Variants in FRAS1 observed in about 807,000 individuals in gnomAD.
FRAS1 encodes extracellular matrix organizing protein FRAS1.
A neutral mutation model predicts 435.2 loss-of-function variants in FRAS1; 290 were observed. The observed-to-expected ratio is 0.67, with a 90% confidence interval of 0.61 to 0.73. FRAS1 has a LOEUF of 0.73. Among genes scored for constraint, FRAS1 ranks in the 30% least tolerant of loss-of-function variants. FRAS1 has a pLI of 0.00. For missense variants in FRAS1, 4,860 were observed against 5,001.5 expected (o/e 0.97, Z 0.85); for synonymous variants, 1,800 against 1,851.0 (o/e 0.97, Z 0.71).
At chr4:78,224,393 A>G (rs193199572) in intron 2 of FRAS1, among the ~76,000 whole-genome samples, 4 of 152,362 alleles carry the variant, frequency 2.6e-5, no homozygotes, top group East Asian at 1.9e-4. Context: ...TGAGGATTCA[A>G]TGTCACATAT....
intron 14 of FRAS1, among the ~76,000 whole-genome samples, chr4:78,306,717 C>T (rs1473162597): frequency 6.6e-6 from 1 of 151,272 alleles, no homozygotes; most frequent in Non-Finnish European, 1.5e-5. Context: ...GCTCCATCAG[C>T]TCCTTTAAGC....
chr4:78,303,452 A>G (rs578038968), intron 14 of FRAS1, among the ~76,000 whole-genome samples: 128 of 152,328 alleles, frequency 8.4e-4, no homozygotes, highest in African/African-American at 3.0e-3. Context: ...GTTGGGCAGT[A>G]TGGCTATTTT....
At chr4:78,311,417 C>T (rs1428995207) in intron 15 of FRAS1, among the ~76,000 whole-genome samples, 1 of 152,160 alleles carries the variant, frequency 6.6e-6, no homozygotes, top group Non-Finnish European at 1.5e-5. Flanking sequence ...CCCTTCACTT[C>T]TCACTGCTAT....
intron 15 of FRAS1, among the ~76,000 whole-genome samples, chr4:78,309,118 G>A (rs72657049): frequency 5.3e-5 from 8 of 152,316 alleles, no homozygotes; most frequent in Non-Finnish European, 8.8e-5. Context: ...GAGTGATAGA[G>A]TGAAGCAAGG....
At position 78,057,922 on chromosome 4, in the gene FRAS1, G is replaced by T. The variant is rs1739546275; in HGVS notation, c.-88G>T. The T allele has an allele frequency of 7.8e-7, 1 of 1,283,440 alleles. No individual in the cohort carries two copies. Among genetic ancestry groups the T allele is most frequent in the Non-Finnish European group, 1.1e-6 (1 of 890,792 alleles). 79.5% of individuals were successfully genotyped at this position (1,283,440 alleles called of 1,614,324 possible). A position where few individuals can be genotyped will look rare whatever the true frequency, so the allele number is the denominator to read the frequency against. On this transcript the variant is annotated 5_prime_UTR_variant, in exon 1 of 74. Coordinates refer to ENST00000512123, the MANE Select transcript of FRAS1 (RefSeq NM_025074.7). The surrounding 1 kb of genome is among the most constrained non-coding windows in gnomAD (Gnocchi z 4.2). ...CGGTCCCCCACCTTCAGTGCGCCCG[G>T]GTTCCAAGCGCCGGAGCCAGCGTTT... is the stretch of plus-strand genomic sequence containing the variant.
chr4:78,527,774 C>G (rs1009609083), intron 70 of FRAS1, among the ~76,000 whole-genome samples: 1 of 152,112 alleles, frequency 6.6e-6, no homozygotes, highest in Non-Finnish European at 1.5e-5. Flanking sequence ...GGGGCAATAA[C>G]TGGAAACAGA....
chr4:78,462,919 A>G (rs1160850103), intron 47 of FRAS1, among the ~76,000 whole-genome samples: 1 of 152,204 alleles, frequency 6.6e-6, no homozygotes, highest in Non-Finnish European at 1.5e-5. Flanking sequence ...TAAAGCAGTG[A>G]TACTGATGTC....
At chr4:78,380,123 C>G (rs1463275220) in intron 27 of FRAS1, 127 bp downstream of exon 27, 1 of 1,016,542 alleles carries the variant, frequency 9.8e-7, no homozygotes, top group Non-Finnish European at 1.4e-6. Context: ...CAATACTCCA[C>G]AAGCCCAAAT....
chr4:78,522,937 C>A, intron 69 of FRAS1, 129 bp downstream of exon 69: 1 of 908,444 alleles, frequency 1.1e-6, no homozygotes, highest in Non-Finnish European at 1.6e-6. Flanking sequence ...ATAGAAATAA[C>A]CCTCAGCTGG....
chr4:78,197,871 G>GC (rs1560576201), intron 2 of FRAS1, among the ~76,000 whole-genome samples: 3 of 152,074 alleles, frequency 2.0e-5, no homozygotes, highest in Non-Finnish European at 4.4e-5. Context: ...AACCCAGGAG[G>GC]TGGAGCTTGC....
chr4:78,181,915 A>C (rs1578171107), intron 2 of FRAS1: 1 of 1,609,658 alleles, frequency 6.2e-7, no homozygotes, highest in Non-Finnish European at 8.5e-7. Flanking sequence ...CCCCAACGCC[A>C]CCCCTGCCGG....
At chr4:78,477,382 G>A (rs947407548) in intron 54 of FRAS1, among the ~76,000 whole-genome samples, 1 of 152,168 alleles carries the variant, frequency 6.6e-6, no homozygotes, top group Non-Finnish European at 1.5e-5. Context: ...TCTGATGTTT[G>A]TAAAGCTTCA....
At chr4:78,112,662 A>G (rs1742810849) in intron 2 of FRAS1, among the ~76,000 whole-genome samples, 1 of 152,098 alleles carries the variant, frequency 6.6e-6, no homozygotes, top group African/African-American at 2.4e-5. Flanking sequence ...TAGTTAGTGC[A>G]GTTATGAAAT....
In FRAS1 at chr4:78,499,835, C is replaced by G. The variant is rs1720623980; in HGVS notation, c.9230C>G (p.Ser3077Cys). The G allele has an allele frequency of 6.8e-6, 11 of 1,613,446 alleles. No homozygotes were observed. The highest frequency in any genetic ancestry group is 9.3e-6 in the Non-Finnish European group (11 of 1,179,548). Reference protein sequence around the residue: ...VIRRGDQNRTSKVRCSTRDGS... With the variant: ...VIRRGDQNRTCKVRCSTRDGS... Reference sequence around the variant, plus strand: ...CGCAGAGGGGATCAGAACAGGACCTCCAAGGTTCGCTGCAGCACGCGGGAT... The same window carrying G: ...CGCAGAGGGGATCAGAACAGGACCTGCAAGGTTCGCTGCAGCACGCGGGAT... Residue 3077 changes from serine to cysteine, a missense_variant, in exon 61 of 74, where the codon TCC becomes TGC. Ser to Cys is a moderately radical substitution (Grantham distance 112, BLOSUM62 -1). Coordinates refer to ENST00000512123, the MANE Select transcript of FRAS1 (RefSeq NM_025074.7).
intron 69 of FRAS1, 102 bp from the exon 70 acceptor site, chr4:78,526,439 A>G: frequency 1.4e-6 from 1 of 695,702 alleles, no homozygotes; most frequent in Non-Finnish European, 2.5e-6. Context: ...GCTGGACACA[A>G]ATACCACCTG....
intron 2 of FRAS1, among the ~76,000 whole-genome samples, chr4:78,208,075 T>C (rs1482826064): frequency 6.6e-6 from 1 of 152,182 alleles, no homozygotes; most frequent in Non-Finnish European, 1.5e-5. Flanking sequence ...AATACTGTGC[T>C]GGTATCCACA....
intron 66 of FRAS1, among the ~76,000 whole-genome samples, chr4:78,516,226 C>G (rs1318232210): frequency 6.6e-6 from 1 of 152,216 alleles, no homozygotes; most frequent in Non-Finnish European, 1.5e-5. Context: ...GTGGAAAAAA[C>G]TTACTGTCTG....
At chr4:78,523,680 GATATTTT>G (rs1315072721) in intron 69 of FRAS1, among the ~76,000 whole-genome samples, 5 of 152,224 alleles carry the variant, frequency 3.3e-5, no homozygotes, top group Middle Eastern at 3.4e-3. Context: ...TCTTATATCA[GATATTTT>G]TATTGTATAG....
At chr4:78,087,625 C>T (rs1741259515) in intron 2 of FRAS1, among the ~76,000 whole-genome samples, 1 of 152,220 alleles carries the variant, frequency 6.6e-6, no homozygotes, top group South Asian at 2.1e-4. Flanking sequence ...TTCTTATACA[C>T]CAATAACAGA....
Sources: allele counts gnomAD v4.1 joint callset (sites outside exome capture counted in the v4.1 genomes callset), GRCh38; gene constraint gnomAD v4.1.1; non-coding constraint Gnocchi (gnomAD v3.1); transcripts MANE v1.5; gene names NCBI Gene and HGNC (gene_info 2026-07-23, HGNC 2026-07-21).